Variants in GALNT17 observed in about 807,000 individuals in gnomAD.
GALNT17 encodes the protein UDP-GalNAc:polypeptide N-acetylgalactosaminyltransferase-like 3.
In GALNT17, 29 loss-of-function variants were observed where a neutral mutation model predicts 63.7. The ratio of observed to expected loss-of-function variants is 0.46; its 90% CI spans 0.34 to 0.62. The LOEUF (loss-of-function observed/expected upper bound fraction) is 0.62. Among genes scored for constraint, GALNT17 ranks in the 20% least tolerant of loss-of-function variants. The probability of loss-of-function intolerance (pLI) is 0.01; values close to 1 mark genes in which losing one functional copy is unlikely to be tolerated. For synonymous variants in GALNT17, 305 were observed against 318.3 expected (o/e 0.96, Z 0.45); for missense variants, 603 against 799.6 (o/e 0.75, Z 2.97).
chr7:71,147,360 A>G (rs1788042649), intron 1 of GALNT17, among the ~76,000 whole-genome samples: 1 of 152,166 alleles, frequency 6.6e-6, no homozygotes, highest in Admixed American at 6.5e-5. Flanking sequence ...CACGGGAGAA[A>G]GAAGTAGGCT....
intron 5 of GALNT17, among the ~76,000 whole-genome samples, chr7:71,435,977 G>A (rs1399076654): frequency 5.6e-5 from 8 of 143,662 alleles, no homozygotes; most frequent in African/African-American, 1.3e-4. Context: ...CCAAGATCAC[G>A]CTACTGCACT....
At chr7:71,699,171 C>CAAAAAAAA (rs59124269) in intron 9 of GALNT17, among the ~76,000 whole-genome samples, 1 of 77,316 alleles carries the variant, frequency 1.3e-5, no homozygotes, top group African/African-American at 4.9e-5. Context: ...GACTCCATCT[C>CAAAAAAAA]AAAAAAAAAA....
At chr7:71,335,876 T>C (rs1444483410) in intron 2 of GALNT17, 143 bp downstream of exon 2, 1 of 699,614 alleles carries the variant, frequency 1.4e-6, no homozygotes, top group Admixed American at 4.2e-5. Context: ...ATAAACTTAG[T>C]ACTCCTGTTG....
intron 2 of GALNT17, among the ~76,000 whole-genome samples, chr7:71,379,697 G>T (rs1448663889): frequency 1.3e-5 from 2 of 152,026 alleles, no homozygotes; most frequent in Admixed American, 6.6e-5. Context: ...AAGACAGGGT[G>T]GTACAAAAAG....
intron 1 of GALNT17, among the ~76,000 whole-genome samples, chr7:71,223,015 G>T (rs773156822): frequency 6.6e-5 from 10 of 152,162 alleles, no homozygotes; most frequent in Non-Finnish European, 1.2e-4. Context: ...TAAGGTTGCA[G>T]TGAGCTTTGG....
chr7:71,260,492 T>C (rs1324374065), intron 1 of GALNT17, among the ~76,000 whole-genome samples: 1 of 152,150 alleles, frequency 6.6e-6, no homozygotes, highest in African/African-American at 2.4e-5. Flanking sequence ...GCATTTGCTT[T>C]TAGGGGACTC....
chr7:71,254,800 A>G (rs552498324), intron 1 of GALNT17, among the ~76,000 whole-genome samples: 140 of 152,326 alleles, frequency 9.2e-4, no homozygotes, highest in African/African-American at 3.2e-3. Context: ...TACTTGCTCC[A>G]AGTCACCCAG....
chr7:71,591,027 C>T (rs1259309772), intron 6 of GALNT17, among the ~76,000 whole-genome samples: 1 of 151,884 alleles, frequency 6.6e-6, no homozygotes, highest in Non-Finnish European at 1.5e-5. Context: ...TCCCAAAGTA[C>T]TGGGATTACA....
At chr7:71,682,623 C>T (rs1289465760) in intron 9 of GALNT17, among the ~76,000 whole-genome samples, 1 of 152,166 alleles carries the variant, frequency 6.6e-6, no homozygotes, top group African/African-American at 2.4e-5. Flanking sequence ...TAGCTCACTG[C>T]AGCCTTGACC....
At chr7:71,434,748 G>C (rs990461015) in intron 5 of GALNT17, among the ~76,000 whole-genome samples, 1 of 152,138 alleles carries the variant, frequency 6.6e-6, no homozygotes. Flanking sequence ...GAAAATTGCC[G>C]TAACAAAACT....
intron 10 of GALNT17, among the ~76,000 whole-genome samples, chr7:71,711,699 T>C (rs1791795200): frequency 6.7e-6 from 1 of 149,616 alleles, no homozygotes; most frequent in Non-Finnish European, 1.5e-5. Flanking sequence ...ATCTTCTCTC[T>C]TCTCTCTTCT....
At chr7:71,183,081 G>A (rs998201604) in intron 1 of GALNT17, among the ~76,000 whole-genome samples, 1 of 152,186 alleles carries the variant, frequency 6.6e-6, no homozygotes, top group African/African-American at 2.4e-5. Context: ...TCATGACCCA[G>A]ATGTGCAGAG....
At chr7:71,171,512 A>C (rs1040912414) in intron 1 of GALNT17, among the ~76,000 whole-genome samples, 2 of 152,214 alleles carry the variant, frequency 1.3e-5, no homozygotes, top group African/African-American at 4.8e-5. Flanking sequence ...AAAAACCAAA[A>C]CAAAACAAAA....
intron 5 of GALNT17, among the ~76,000 whole-genome samples, chr7:71,562,638 CG>C (rs376838067): frequency 1.4e-3 from 219 of 152,192 alleles, no homozygotes; most frequent in African/African-American, 5.0e-3. Flanking sequence ...AGAGCTCAGG[CG>C]GTAATGCGAG....
At chr7:71,324,425 C>A (rs1471423918) in intron 1 of GALNT17, among the ~76,000 whole-genome samples, 2 of 152,064 alleles carry the variant, frequency 1.3e-5, no homozygotes, top group Admixed American at 1.3e-4. Flanking sequence ...CTGAGGTGGG[C>A]AGATCACCTG....
chr7:71,488,169 T>TAAAAA (rs1343277575), intron 5 of GALNT17, among the ~76,000 whole-genome samples: 25 of 123,550 alleles, frequency 2.0e-4, no homozygotes, highest in African/African-American at 7.5e-4. Flanking sequence ...CCCTATCTCT[T>TAAAAA]AAAAAAAAAA....
intron 1 of GALNT17, among the ~76,000 whole-genome samples, chr7:71,331,686 G>C (rs1791810864): frequency 6.6e-6 from 1 of 150,630 alleles, no homozygotes; most frequent in Non-Finnish European, 1.5e-5. Flanking sequence ...CTGCACTCCA[G>C]CCTGGGTGAC....
At chr7:71,371,543 T>C (rs1319309729) in intron 2 of GALNT17, among the ~76,000 whole-genome samples, 1 of 152,252 alleles carries the variant, frequency 6.6e-6, no homozygotes, top group Non-Finnish European at 1.5e-5. Flanking sequence ...TTTCACTCTT[T>C]TGTTATTGCT....
chr7:71,231,045 A>C (rs910046642), intron 1 of GALNT17, among the ~76,000 whole-genome samples: 3 of 152,162 alleles, frequency 2.0e-5, no homozygotes, highest in Admixed American at 6.5e-5. Context: ...AAATATGACT[A>C]TCTCTGGGGA....
Sources: allele counts gnomAD v4.1 joint callset (sites outside exome capture counted in the v4.1 genomes callset), GRCh38; gene constraint gnomAD v4.1.1; transcripts MANE v1.5; gene names NCBI Gene and HGNC (gene_info 2026-07-23, HGNC 2026-07-21).